Variants in NARS2 observed in about 807,000 individuals in gnomAD.
NARS2 encodes the protein asparaginyl-tRNA synthetase 2, mitochondrial.
NARS2 carries 60 observed loss-of-function variants against 62.9 expected under a neutral mutation model. That is an observed-to-expected ratio of 0.95 (90% CI 0.77 to 1.18). The LOEUF (loss-of-function observed/expected upper bound fraction) is 1.18, where lower values mean the gene tolerates loss of function less well. Among genes scored for constraint, NARS2 ranks in the 50% most tolerant of loss-of-function variants. The probability of loss-of-function intolerance (pLI) is 0.00; values close to 1 mark genes in which losing one functional copy is unlikely to be tolerated. For missense variants in NARS2, 619 were observed against 576.4 expected, an observed-to-expected ratio of 1.07 and a Z score of -0.76; for synonymous variants, 196 against 200.0, an observed-to-expected ratio of 0.98 and a Z score of 0.17.
intron 6 of NARS2, among the ~76,000 whole-genome samples, chr11:78,496,827 T>C (rs1860077198): frequency 6.6e-6 from 1 of 152,208 alleles, no homozygotes; most frequent in African/African-American, 2.4e-5. Flanking sequence ...TGGGGACAGC[T>C]TGGCATTGAT....
chr11:78,571,562 ACTT>A (rs1438154704), intron 1 of NARS2, 118 bp from the exon 2 acceptor site: 20 of 654,736 alleles, frequency 3.1e-5, no homozygotes, highest in African/African-American at 1.1e-4. Flanking sequence ...CAACAAATCA[ACTT>A]CTTTTAGTTC....
At position 78,568,623 on chromosome 11, in the gene NARS2, A is replaced by G; in HGVS notation, c.372+9T>C. On this transcript the variant is annotated intron_variant, in intron 3 of 13. Coordinates refer to ENST00000281038, the MANE Select transcript of NARS2 (RefSeq NM_024678.6). Reference sequence around the variant, plus strand: ...TAAACAGCCTCCACAAAAGTGTCAGAAATCATACCTTGGCATCACAATTTC... The same window carrying G: ...TAAACAGCCTCCACAAAAGTGTCAGGAATCATACCTTGGCATCACAATTTC... 2 of 1,611,014 alleles carry G rather than the reference A, an allele frequency of 1.2e-6. No individual in the cohort carries two copies. The highest frequency in any genetic ancestry group is 1.7e-6 in the Non-Finnish European group (2 of 1,178,304).
At chr11:78,438,054 A>C (rs563682080) in intron 13 of NARS2, among the ~76,000 whole-genome samples, 2 of 151,998 alleles carry the variant, frequency 1.3e-5, no homozygotes, top group Non-Finnish European at 2.9e-5. Context: ...TTGTAAAATC[A>C]GTTCTATAAT....
chr11:78,514,643 A>T (rs947831686), intron 6 of NARS2, among the ~76,000 whole-genome samples: 17 of 152,206 alleles, frequency 1.1e-4, no homozygotes. Flanking sequence ...GCTTAGCCAG[A>T]CAGACCTCAG....
intron 9 of NARS2, among the ~76,000 whole-genome samples, chr11:78,472,669 T>G (rs1858924913): frequency 6.6e-6 from 1 of 152,224 alleles, no homozygotes. Context: ...ATGGTATCTA[T>G]ACAGATTCAA....
chr11:78,479,544 G>A (rs929865770), intron 7 of NARS2, among the ~76,000 whole-genome samples: 17 of 152,090 alleles, frequency 1.1e-4, no homozygotes, highest in African/African-American at 3.9e-4. Flanking sequence ...TACCATGGGT[G>A]CCCATAGGAG....
At chr11:78,567,663 A>C (rs1479310335) in intron 3 of NARS2, among the ~76,000 whole-genome samples, 1 of 152,232 alleles carries the variant, frequency 6.6e-6, no homozygotes, top group Non-Finnish European at 1.5e-5. Context: ...TTTTACATCA[A>C]TTAGAATTTC....
Position 78,436,781 on chromosome 11 carries a change from T to C in NARS2, c.1323A>G (p.Pro441=). The C allele has an allele frequency of 6.2e-7, 1 of 1,614,220 alleles. No individual in the cohort carries two copies. Among genetic ancestry groups the C allele is most frequent in the Non-Finnish European group, 8.5e-7 (1 of 1,180,034 alleles). Residue 441 remains proline (P), a synonymous_variant, in exon 14 of 14, where the codon CCA becomes CCG. Transcript: ENST00000281038. ...YLDLRRFGSV[P]HGGFGMGFER... The stretch of plus-strand genomic sequence containing the variant: ...CAAATCCCATCCCAAAACCTCCATG[T>C]GGCACAGATCCAAATCGACGAAGGT...
At position 78,465,995 on chromosome 11, in the gene NARS2, T is replaced by C. The variant is rs1468780196; in HGVS notation, c.1045A>G (p.Thr349Ala). The C allele has an allele frequency of 5.0e-6, 8 of 1,610,564 alleles. No homozygotes were observed. Among genetic ancestry groups the C allele is most frequent in the Non-Finnish European group, 6.8e-6 (8 of 1,178,452 alleles). Residue 349 changes from threonine to alanine, a missense_variant, in exon 11 of 14, where the codon ACT becomes GCT. Thr to Ala is a moderately conservative substitution (Grantham distance 58). Transcript: ENST00000281038. ...FTPEWGADLR[T>A]EHEKYLVKHC... ...TTCACCAGGTACTTTTCATGTTCAG[T>C]CCGTAGGTCAGCACCCCACTGTAAT...
At chr11:78,520,884 C>T (rs186090230) in intron 6 of NARS2, among the ~76,000 whole-genome samples, 17 of 151,934 alleles carry the variant, frequency 1.1e-4, no homozygotes, top group African/African-American at 2.4e-4. Flanking sequence ...GATGAAACCC[C>T]GTCTCTGCTA....
intron 5 of NARS2, chr11:78,558,531 AAAG>A (rs1856445757): frequency 6.6e-6 from 1 of 152,252 alleles, no homozygotes; most frequent in Non-Finnish European, 1.5e-5. Flanking sequence ...TAAACAAATA[AAAG>A]AAGTACCAAA....
chr11:78,494,469 CTT>C (rs11437113), intron 6 of NARS2, among the ~76,000 whole-genome samples: 3 of 133,186 alleles, frequency 2.3e-5, no homozygotes, highest in Admixed American at 1.5e-4. Flanking sequence ...TTTTCTTTTT[CTT>C]TTTTTTTTTT....
At chr11:78,456,861 A>G (rs921238961) in intron 11 of NARS2, among the ~76,000 whole-genome samples, 3 of 152,232 alleles carry the variant, frequency 2.0e-5, no homozygotes, top group African/African-American at 4.8e-5. Context: ...GGCATTTTGC[A>G]TATTTGCTTA....
intron 11 of NARS2, among the ~76,000 whole-genome samples, chr11:78,453,093 G>A (rs1406329926): frequency 1.3e-5 from 2 of 152,196 alleles, no homozygotes; most frequent in African/African-American, 4.8e-5. Context: ...GTGTTTCTGT[G>A]CATCGTTGGG....
Position 78,574,727 on chromosome 11 carries a change from G to C in NARS2, c.-239C>G, listed in dbSNP as rs1156704145. The C allele has an allele frequency of 3.5e-5, 17 of 490,548 alleles. No homozygotes were observed. Among genetic ancestry groups the C allele is most frequent in the Non-Finnish European group, 6.1e-5 (17 of 279,004 alleles). The allele number at this position is 490,548 out of a possible 1,614,324, so 30.4% of individuals were successfully genotyped here. A position where few individuals can be genotyped will look rare whatever the true frequency, so the allele number is the denominator to read the frequency against. On this transcript the variant is annotated 5_prime_UTR_variant, in exon 1 of 14. Coordinates refer to ENST00000281038, the MANE Select transcript of NARS2 (RefSeq NM_024678.6). Reference sequence around the variant, plus strand: ...TGGACAGGACACTAGGCAAACGCCAGAAAGAAACCACGTGCAGTTGGCAGC... The same window carrying C: ...TGGACAGGACACTAGGCAAACGCCACAAAGAAACCACGTGCAGTTGGCAGC...
chr11:78,568,008 T>C (rs891241953), intron 3 of NARS2, among the ~76,000 whole-genome samples: 4 of 152,226 alleles, frequency 2.6e-5, no homozygotes, highest in African/African-American at 9.6e-5. Context: ...CTTATATATA[T>C]GAAGCTAACA....
intron 7 of NARS2, among the ~76,000 whole-genome samples, chr11:78,484,798 A>T (rs1859503315): frequency 6.6e-6 from 1 of 152,256 alleles, no homozygotes; most frequent in African/African-American, 2.4e-5. Flanking sequence ...AGTGTCAATT[A>T]GTTCAACCAC....
chr11:78,469,284 A>G lies in NARS2; in HGVS notation c.989T>C (p.Leu330Ser). ...GGTGAAGTTCTGGGATGCTTGCTTT[A>G]AGATCTCCACTGCTTCAGTATAAGA... is the stretch of plus-strand genomic sequence containing the variant. ...IISYTEAVEILKQASQNFTFT... is the reference protein window; with the variant it reads ...IISYTEAVEISKQASQNFTFT... The change falls in exon 10 of 14, where the codon TTA (leucine) becomes TCA (serine). Residue 330 changes from leucine to serine, a missense_variant. Coordinates refer to ENST00000281038, the MANE Select transcript of NARS2 (RefSeq NM_024678.6). 6.2e-7 allele frequency: 1 copy of G among 1,613,304 alleles called. No homozygotes were observed. Among genetic ancestry groups the G allele is most frequent in the East Asian group, 2.2e-5 (1 of 44,812 alleles).
At chr11:78,502,495 T>C (rs1860317744) in intron 6 of NARS2, among the ~76,000 whole-genome samples, 1 of 152,138 alleles carries the variant, frequency 6.6e-6, no homozygotes, top group Admixed American at 6.5e-5. Flanking sequence ...TCAAATACAA[T>C]CACATAGGGG....
Sources: allele counts gnomAD v4.1 joint callset (sites outside exome capture counted in the v4.1 genomes callset), GRCh38; gene constraint gnomAD v4.1.1; transcripts MANE v1.5; gene names NCBI Gene and HGNC (gene_info 2026-07-23, HGNC 2026-07-21).